COL28A1: variants seen among roughly 807,000 people sequenced by gnomAD.
COL28A1 encodes collagen type XXVIII alpha 1 chain, also known as collagen alpha-1(XXVIII) chain.
Under a neutral mutation model 150.2 loss-of-function variants are expected in COL28A1, and 161 were observed. That is an observed-to-expected ratio of 1.07 (90% CI 0.94 to 1.22). COL28A1 has a LOEUF of 1.22. Among genes scored for constraint, COL28A1 ranks in the 50% most tolerant of loss-of-function variants. The pLI is 0.00. For synonymous variants in COL28A1, 552 were observed against 469.7 expected (o/e 1.18, Z -2.26); for missense variants, 1,617 against 1,388.3 (o/e 1.16, Z -2.62).
intron 25 of COL28A1, among the ~76,000 whole-genome samples, chr7:7,427,118 T>C (rs753617287): frequency 4.6e-5 from 7 of 152,156 alleles, no homozygotes; most frequent in Non-Finnish European, 8.8e-5. Flanking sequence ...CAAGGAGAGA[T>C]GAAAGCAATA....
intron 11 of COL28A1, among the ~76,000 whole-genome samples, chr7:7,501,161 C>G (rs17168295): frequency 2.0e-5 from 3 of 152,242 alleles, no homozygotes; most frequent in Admixed American, 2.0e-4. Context: ...GTTTCTTACA[C>G]TTGACTGTAC....
chr7:7,528,585 GA>G (rs1172635641), intron 3 of COL28A1, among the ~76,000 whole-genome samples: 2 of 152,040 alleles, frequency 1.3e-5, no homozygotes, highest in African/African-American at 4.8e-5. Context: ...TTCTGATACA[GA>G]AAAAAACCCT....
chr7:7,380,762 A>G lies in COL28A1; in HGVS notation c.2286+20T>C. On this transcript the variant is annotated intron_variant, in intron 29 of 34. Transcript: ENST00000399429. ...CCAGTTAGAGTATAAAATCACAGTG[A>G]GACATTAAAAACTACTTGCCTGTTT... The G allele has an allele frequency of 6.2e-7, 1 of 1,612,464 alleles. No individual in the cohort carries two copies. The highest frequency in any genetic ancestry group is 8.5e-7 in the Non-Finnish European group (1 of 1,178,518).
At chr7:7,472,684 C>A (rs946701447) in intron 15 of COL28A1, among the ~76,000 whole-genome samples, 2 of 152,150 alleles carry the variant, frequency 1.3e-5, no homozygotes, top group African/African-American at 4.8e-5. Context: ...TTCTGAAATT[C>A]ATATGCAACC....
intron 13 of COL28A1, among the ~76,000 whole-genome samples, chr7:7,479,550 A>T (rs921643910): frequency 4.6e-5 from 7 of 152,220 alleles, no homozygotes; most frequent in African/African-American, 1.7e-4. Flanking sequence ...ATGTGTTTCA[A>T]TTTCTGTACT....
At chr7:7,456,180 C>T in intron 15 of COL28A1, 68 bp from the exon 16 acceptor site, 1 of 1,553,786 alleles carries the variant, frequency 6.4e-7, no homozygotes, top group Non-Finnish European at 8.7e-7. Context: ...CTTTGCTAAC[C>T]TGGAATTGGG....
chr7:7,486,851 GT>G (rs1173976644), intron 13 of COL28A1, among the ~76,000 whole-genome samples: 3 of 152,054 alleles, frequency 2.0e-5, no homozygotes, highest in African/African-American at 7.2e-5. Context: ...CTAGCATGTT[GT>G]TAAGAATTTT....
chr7:7,445,508 A>T (rs773073178), intron 18 of COL28A1, among the ~76,000 whole-genome samples: 1 of 152,202 alleles, frequency 6.6e-6, no homozygotes, highest in Non-Finnish European at 1.5e-5. Flanking sequence ...GTACTTTCTT[A>T]CATCAGCTCT....
intron 27 of COL28A1, 115 bp downstream of exon 27, chr7:7,417,744 G>C (rs1784182917): frequency 9.5e-6 from 8 of 842,622 alleles, no homozygotes; most frequent in Admixed American, 2.0e-5. Context: ...CCATTTAACT[G>C]CGAGGCTCAC....
At chr7:7,508,110 TAGTCCC>T (rs1562865222) in intron 9 of COL28A1, among the ~76,000 whole-genome samples, 1 of 151,978 alleles carries the variant, frequency 6.6e-6, no homozygotes, top group Non-Finnish European at 1.5e-5. Context: ...CGGGCACCTG[TAGTCCC>T]AGCTACTGGG....
At chr7:7,381,396 T>A in intron 28 of COL28A1, 148 bp downstream of exon 28, 1 of 633,100 alleles carries the variant, frequency 1.6e-6, no homozygotes, top group Non-Finnish European at 2.8e-6. Context: ...GACAAAGCAA[T>A]GCACGAGGAT....
chr7:7,539,623 G>A (rs1264469430), upstream of COL28A1, among the ~76,000 whole-genome samples: 1 of 152,106 alleles, frequency 6.6e-6, no homozygotes, highest in East Asian at 1.9e-4. Context: ...AAGACAATAA[G>A]AAAATAAAAA....
At chr7:7,362,810 C>A (rs1583215746) in intron 33 of COL28A1, among the ~76,000 whole-genome samples, 1 of 152,196 alleles carries the variant, frequency 6.6e-6, no homozygotes, top group East Asian at 1.9e-4. Flanking sequence ...TAAAAATAAT[C>A]ATTATACTAG....
At position 7,423,725 on chromosome 7, in the gene COL28A1, C is replaced by T. The variant is rs151309841; in HGVS notation, c.1999-3772G>A. ...CTAGTATTAATTACACTAATACCCACACATGGGAAAGCAAGCGGGAAAAGC... is the reference window on the plus strand; with the variant it reads ...CTAGTATTAATTACACTAATACCCATACATGGGAAAGCAAGCGGGAAAAGC... On this transcript the variant is annotated intron_variant, in intron 25 of 34. Transcript: ENST00000399429. Among the ~76,000 whole-genome samples, 212 of 152,212 alleles carry T rather than the reference C, an allele frequency of 1.4e-3. 2 individuals carry two copies. Among genetic ancestry groups the T allele is most frequent in the African/African-American group, 4.7e-3 (195 of 41,526 alleles).
intron 21 of COL28A1, among the ~76,000 whole-genome samples, chr7:7,440,411 G>C (rs1785681889): frequency 6.6e-6 from 1 of 152,200 alleles, no homozygotes. Flanking sequence ...TTCCAAAGAA[G>C]AGCCTTCATC....
At chr7:7,377,017 C>T (rs556131048) in intron 30 of COL28A1, among the ~76,000 whole-genome samples, 17 of 152,220 alleles carry the variant, frequency 1.1e-4, no homozygotes, top group Middle Eastern at 6.8e-3. Flanking sequence ...TTAAATTACA[C>T]GAATTAAATT....
chr7:7,407,835 A>G (rs879505834), intron 27 of COL28A1, among the ~76,000 whole-genome samples: 3 of 152,178 alleles, frequency 2.0e-5, no homozygotes, highest in Non-Finnish European at 4.4e-5. Context: ...ATTAAAATGT[A>G]AAACAACAAT....
chr7:7,531,859 T>C lies in COL28A1; in HGVS notation c.170A>G (p.Glu57Gly), dbSNP rs761176750. The change falls in exon 3 of 35, where the codon GAA becomes GGA. Residue 57 changes from glutamate (E) to glycine (G), a missense_variant. Glu to Gly is a moderately conservative substitution (Grantham distance 98, BLOSUM62 -2). Transcript: ENST00000399429. ...ATCAAAGAGGGCAATTTTAGAACTT[T>C]CAGAGCTGTCCACGATGAAGACAAT... is the stretch of plus-strand genomic sequence containing the variant. ...IDIVFIVDSS[E>G]SSKIALFDKQ... 3.7e-6 allele frequency: 6 copies of C among 1,610,162 alleles called. No homozygotes were observed. In the Admixed American group the frequency reaches 1.0e-4, roughly 27 times the overall value.
In COL28A1 at chr7:7,507,131, G is replaced by T; in HGVS notation, c.958C>A (p.Pro320Thr). The T allele has an allele frequency of 7.8e-7, 1 of 1,284,596 alleles. No homozygotes were observed. Among genetic ancestry groups the T allele is most frequent in the South Asian group, 1.2e-5 (1 of 83,834 alleles). The allele number at this position is 1,284,596 out of a possible 1,614,324, so 79.6% of individuals were successfully genotyped here. ...AACCCCCTTACCTGAATTCCTCTGG[G>T]TCCCTTTGGTCCATATGGCCCTGGG... ...GSPGPYGPKG[P>T]RGIQGITGPP... Residue 320 changes from proline to threonine, a missense_variant, in exon 10 of 35, where the codon CCC (proline) becomes ACC (threonine). By Grantham distance (38) the Pro-to-Thr change is conservative (BLOSUM62 -1). Coordinates refer to ENST00000399429, the MANE Select transcript of COL28A1 (RefSeq NM_001037763.3).
Sources: gnomAD v4.1 joint callset for allele counts (sites outside exome capture counted in the v4.1 genomes callset) on GRCh38, gnomAD v4.1.1 for gene constraint, MANE v1.5 for transcripts, NCBI Gene and HGNC (gene_info 2026-07-23, HGNC 2026-07-21) for gene names.